The following EXOC2 variants were observed in gnomAD, a reference collection of about 807,000 sequenced individuals.
EXOC2 encodes SEC5-like 1.
In EXOC2, 70 loss-of-function variants were observed where a neutral mutation model predicts 131.8. The ratio of observed to expected loss-of-function variants is 0.53; its 90% CI spans 0.44 to 0.65. The LOEUF is 0.65. Ranked by LOEUF, EXOC2 falls within the 30% of genes least tolerant of loss-of-function variation. EXOC2 has a pLI of 0.00. For synonymous variants in EXOC2, 411 were observed against 398.4 expected, an observed-to-expected ratio of 1.03 and a Z score of -0.38; for missense variants, 923 against 1,108.6, an observed-to-expected ratio of 0.83 and a Z score of 2.38.
intron 23 of EXOC2, among the ~76,000 whole-genome samples, chr6:522,697 C>G (rs1765539106): frequency 6.6e-6 from 1 of 152,030 alleles, no homozygotes; most frequent in Non-Finnish European, 1.5e-5. Context: ...GAGCATTGAG[C>G]TGGGCTGGGC....
rs112035009 is a variant in EXOC2 at position 684,667 on chromosome 6, C to T, written c.-44+8352G>A. ...TATAATTTTCCCATATTTAATTTCT[C>T]AAATTAAAACTGTGGCACAATTTTA... On this transcript the variant is annotated intron_variant, in intron 1 of 27. Transcript: ENST00000230449. Among the ~76,000 whole-genome samples, 1,334 of 152,086 alleles carry T rather than the reference C, an allele frequency of 8.8e-3. 20 individuals are homozygous for T. The highest frequency in any genetic ancestry group is 0.031 in the African/African-American group (1,270 of 41,496).
At chr6:517,406 A>G (rs546267455) in intron 23 of EXOC2, among the ~76,000 whole-genome samples, 1 of 152,332 alleles carries the variant, frequency 6.6e-6, no homozygotes, top group East Asian at 1.9e-4. Context: ...GACTTCATAA[A>G]GGTAATCAAA....
intron 23 of EXOC2, among the ~76,000 whole-genome samples, chr6:510,424 C>T (rs757817414): frequency 2.0e-5 from 3 of 151,880 alleles, no homozygotes; most frequent in Non-Finnish European, 2.9e-5. Context: ...TATTGATCAG[C>T]GTGATCAATC....
rs1314990086 is a variant in EXOC2, at chr6:599,070, T to G, written c.888+10A>C. 3 of 1,602,178 alleles carry G rather than the reference T, an allele frequency of 1.9e-6. No homozygotes were observed. In the East Asian group the frequency reaches 6.7e-5, roughly 36 times the overall value. On this transcript the variant is annotated intron_variant, in intron 8 of 27. Transcript: ENST00000230449. ...ACAACCATATGTAAATAAATAAACATGTACTCTACCTTTTGAATATTCCTT... is the reference window on the plus strand; with the variant it reads ...ACAACCATATGTAAATAAATAAACAGGTACTCTACCTTTTGAATATTCCTT...
chr6:486,802 T>TGGGGCG, intron 27 of EXOC2, 38 bp from the exon 28 acceptor site: 1 of 1,560,744 alleles, frequency 6.4e-7, no homozygotes, highest in Non-Finnish European at 8.8e-7. Flanking sequence ...GCCCGACAGA[T>TGGGGCG]GGGGCGGCCT....
intron 3 of EXOC2, among the ~76,000 whole-genome samples, chr6:632,297 T>G (rs1425244759): frequency 6.6e-6 from 1 of 152,218 alleles, no homozygotes; most frequent in Non-Finnish European, 1.5e-5. Context: ...ACATACTCAG[T>G]CATGGTAAGA....
intron 23 of EXOC2, among the ~76,000 whole-genome samples, chr6:507,906 T>C (rs1764652037): frequency 6.6e-6 from 1 of 152,208 alleles, no homozygotes; most frequent in Non-Finnish European, 1.5e-5. Context: ...TCGTCCTTAA[T>C]TTTTTATTCA....
chr6:632,559 T>C (rs1171113511), intron 3 of EXOC2, among the ~76,000 whole-genome samples: 1 of 152,178 alleles, frequency 6.6e-6, no homozygotes, highest in Non-Finnish European at 1.5e-5. Context: ...GGAATATTAT[T>C]TAGATATATT....
At chr6:669,106 G>A (rs1041266387) in intron 1 of EXOC2, 1 of 152,286 alleles carries the variant, frequency 6.6e-6, no homozygotes, top group Non-Finnish European at 1.5e-5. Context: ...TCCCACACCC[G>A]GCTGATCTCC....
chr6:568,983 G>A (rs1758126487), intron 13 of EXOC2, among the ~76,000 whole-genome samples: 1 of 152,132 alleles, frequency 6.6e-6, no homozygotes, highest in Non-Finnish European at 1.5e-5. Context: ...AACTAGTTGT[G>A]GGGCAGACCG....
At chr6:544,696 T>A (rs1327265726) in intron 22 of EXOC2, among the ~76,000 whole-genome samples, 1 of 152,098 alleles carries the variant, frequency 6.6e-6, no homozygotes, top group Admixed American at 6.6e-5. Context: ...TAAGCTACAA[T>A]AATCAAACAT....
At chr6:576,621 C>T in intron 12 of EXOC2, 136 bp downstream of exon 12, 2 of 938,702 alleles carry the variant, frequency 2.1e-6, no homozygotes, top group East Asian at 5.5e-5. Flanking sequence ...GTTACTGTAA[C>T]AAGCAAAAGC....
chr6:605,042 G>A (rs1760325820), intron 7 of EXOC2, among the ~76,000 whole-genome samples: 1 of 152,094 alleles, frequency 6.6e-6, no homozygotes, highest in Non-Finnish European at 1.5e-5. Context: ...ATCTCTAGAA[G>A]TAAAGTACAA....
chr6:656,190 C>A, intron 1 of EXOC2: 1 of 1,614,162 alleles, frequency 6.2e-7, no homozygotes, highest in Non-Finnish European at 8.5e-7. Flanking sequence ...CCAAATATTG[C>A]ACAGGGCCGT....
At chr6:541,073 T>G (rs1477004398) in intron 22 of EXOC2, among the ~76,000 whole-genome samples, 1 of 152,186 alleles carries the variant, frequency 6.6e-6, no homozygotes, top group Non-Finnish European at 1.5e-5. Flanking sequence ...TTCAGAAAAC[T>G]GTCCACATAT....
At chr6:576,688 G>A (rs559984754) in intron 12 of EXOC2, 69 bp downstream of exon 12, 5 of 1,576,208 alleles carry the variant, frequency 3.2e-6, no homozygotes, top group Non-Finnish European at 4.3e-6. Flanking sequence ...AATTTTCCAA[G>A]AGAAGAATGT....
chr6:580,499 T>C (rs777282604), intron 11 of EXOC2, among the ~76,000 whole-genome samples: 7 of 152,196 alleles, frequency 4.6e-5, no homozygotes, highest in Non-Finnish European at 8.8e-5. Context: ...GTTTTCTGGA[T>C]GAAAATTTTT....
intron 11 of EXOC2, among the ~76,000 whole-genome samples, chr6:581,156 C>A (rs773455389): frequency 5.3e-5 from 8 of 151,944 alleles, no homozygotes; most frequent in Non-Finnish European, 1.2e-4. Context: ...AATTAGCCAG[C>A]GCGGTGGCAC....
chr6:603,021 A>C (rs1366378112), intron 7 of EXOC2, among the ~76,000 whole-genome samples: 1 of 152,200 alleles, frequency 6.6e-6, no homozygotes, highest in Non-Finnish European at 1.5e-5. Flanking sequence ...ATGTTTATTT[A>C]AAGTAAATAT....
Sources: gnomAD v4.1 joint callset for allele counts (sites outside exome capture counted in the v4.1 genomes callset) on GRCh38, gnomAD v4.1.1 for gene constraint, MANE v1.5 for transcripts, NCBI Gene and HGNC (gene_info 2026-07-23, HGNC 2026-07-21) for gene names.